Variants in IL7 observed in about 807,000 individuals in gnomAD.
IL7 encodes the protein interleukin 7.
In IL7, 3 loss-of-function variants were observed where a neutral mutation model predicts 21.6. The observed-to-expected ratio is 0.14, with a 90% CI of 0.06 to 0.36. The LOEUF (loss-of-function observed/expected upper bound fraction) is 0.36. IL7 is among the 10% of genes least tolerant of loss of function. The pLI is 1.00. For synonymous variants in IL7, 62 were observed against 68.1 expected, an observed-to-expected ratio of 0.91 and a Z score of 0.44; for missense variants, 175 against 200.2, an observed-to-expected ratio of 0.87 and a Z score of 0.76.
intron 3 of IL7, among the ~76,000 whole-genome samples, chr8:78,704,633 A>G (rs376499873): frequency 6.6e-6 from 1 of 152,256 alleles, no homozygotes; most frequent in South Asian, 2.1e-4. Flanking sequence ...CTGAATTTGA[A>G]TGTTGGCCCA....
chr8:78,796,337 A>C (rs1813852953), intron 2 of IL7, among the ~76,000 whole-genome samples: 1 of 152,040 alleles, frequency 6.6e-6, no homozygotes, highest in Non-Finnish European at 1.5e-5. Flanking sequence ...AAAATATGAA[A>C]TATTTAGGTA....
chr8:78,756,391 G>A (rs1365540190), intron 2 of IL7, among the ~76,000 whole-genome samples: 37 of 151,846 alleles, frequency 2.4e-4, no homozygotes, highest in Non-Finnish European at 7.4e-5. Flanking sequence ...GAGAAGAATT[G>A]GCATTTGTCT....
downstream of IL7, chr8:78,715,146 T>A (rs1811059846): frequency 8.7e-6 from 11 of 1,266,600 alleles, no homozygotes; most frequent in Non-Finnish European, 1.2e-5. Context: ...TTCTTTCTAG[T>A]CATGTGAATA....
At chr8:78,684,553 T>A (rs1444301743) in intron 4 of IL7, among the ~76,000 whole-genome samples, 1 of 152,164 alleles carries the variant, frequency 6.6e-6, no homozygotes, top group Non-Finnish European at 1.5e-5. Flanking sequence ...ACTATATCAA[T>A]AGATATTTGA....
intron 3 of IL7, among the ~76,000 whole-genome samples, chr8:78,710,738 A>G (rs1810926568): frequency 6.6e-6 from 1 of 152,096 alleles, no homozygotes. Context: ...TTAACAAATT[A>G]AAAACAAATT....
chr8:78,700,969 A>G (rs1810583352), intron 3 of IL7, among the ~76,000 whole-genome samples: 1 of 152,168 alleles, frequency 6.6e-6, no homozygotes, highest in Admixed American at 6.6e-5. Context: ...TACCTTGGCT[A>G]GTTTGACTCA....
chr8:78,774,954 T>C (rs896767207), intron 2 of IL7, among the ~76,000 whole-genome samples: 4 of 152,074 alleles, frequency 2.6e-5, no homozygotes, highest in Non-Finnish European at 4.4e-5. Context: ...AATCTAATAA[T>C]GTAATGAATA....
At chr8:78,700,251 C>T (rs573089468) in intron 3 of IL7, among the ~76,000 whole-genome samples, 12 of 152,062 alleles carry the variant, frequency 7.9e-5, no homozygotes, top group African/African-American at 2.7e-4. Context: ...GACAGTTGAC[C>T]GCATGTATGT....
chr8:78,724,786 C>T (rs1422415792), intron 3 of IL7, among the ~76,000 whole-genome samples: 2 of 151,988 alleles, frequency 1.3e-5, no homozygotes, highest in Non-Finnish European at 2.9e-5. Context: ...TTTTAGTAAA[C>T]ACTGTCATGT....
At chr8:78,715,654 G>A (rs556959973), downstream of IL7, among the ~76,000 whole-genome samples, 14 of 152,308 alleles carry the variant, frequency 9.2e-5, no homozygotes, top group South Asian at 2.9e-3. Context: ...AGTGGAGGAG[G>A]TAACTGCAGA....
intron 3 of IL7, among the ~76,000 whole-genome samples, chr8:78,700,260 G>A (rs1404291999): frequency 1.3e-5 from 2 of 152,124 alleles, no homozygotes; most frequent in Non-Finnish European, 1.5e-5. Context: ...CCGCATGTAT[G>A]TCTTCTTTTG....
intron 4 of IL7, among the ~76,000 whole-genome samples, chr8:78,677,996 G>A (rs1809637748): frequency 6.6e-6 from 1 of 152,098 alleles, no homozygotes; most frequent in Non-Finnish European, 1.5e-5. Flanking sequence ...TGTTGCCATG[G>A]CATTTGCAAA....
At chr8:78,756,491 G>C (rs1398631673) in intron 2 of IL7, among the ~76,000 whole-genome samples, 1 of 151,712 alleles carries the variant, frequency 6.6e-6, no homozygotes, top group Admixed American at 6.6e-5. Flanking sequence ...ATTCAGTCTT[G>C]TTACTCGTTA....
intron 1 of IL7, 148 bp downstream of exon 1, chr8:78,804,765 C>A: frequency 1.2e-6 from 1 of 844,542 alleles, no homozygotes; most frequent in Non-Finnish European, 1.9e-6. Flanking sequence ...TGTTGGCTGC[C>A]CATGGGAGAG....
chr8:78,790,858 T>C (rs1813665211), intron 2 of IL7, among the ~76,000 whole-genome samples: 1 of 151,964 alleles, frequency 6.6e-6, no homozygotes, highest in African/African-American at 2.4e-5. Flanking sequence ...ACCACAAGCA[T>C]TTTTAAACAT....
chr8:78,739,258 A>G (rs557962488), intron 3 of IL7, among the ~76,000 whole-genome samples: 9 of 152,322 alleles, frequency 5.9e-5, no homozygotes, highest in African/African-American at 1.9e-4. Flanking sequence ...AAAGTGTAAT[A>G]TTATACCAAC....
chr8:78,768,999 ACT>A (rs1812856901), intron 2 of IL7, among the ~76,000 whole-genome samples: 2 of 151,994 alleles, frequency 1.3e-5, no homozygotes, highest in Admixed American at 1.3e-4. Flanking sequence ...CATGCTAAAA[ACT>A]CTCAATAACT....
chr8:78,761,711 A>G, intron 2 of IL7: 1 of 1,611,906 alleles, frequency 6.2e-7, no homozygotes, highest in South Asian at 1.1e-5. Context: ...ACAGATCTCT[A>G]GCATCTGCCT....
chr8:78,790,559 G>A (rs1349574778), intron 2 of IL7, among the ~76,000 whole-genome samples: 1 of 152,030 alleles, frequency 6.6e-6, no homozygotes, highest in Admixed American at 6.6e-5. Flanking sequence ...TAGTCTGTGA[G>A]ATACAAAGAT....
Sources: allele counts gnomAD v4.1 joint callset (sites outside exome capture counted in the v4.1 genomes callset), GRCh38; gene constraint gnomAD v4.1.1; transcripts MANE v1.5; gene names NCBI Gene and HGNC (gene_info 2026-07-23, HGNC 2026-07-21).